Variants in ATXN10 observed in about 807,000 individuals in gnomAD.
The protein encoded by ATXN10 is ataxin 10.
Under a neutral mutation model 52.9 loss-of-function variants are expected in ATXN10, and 28 were observed. The ratio of observed to expected loss-of-function variants is 0.53; its 90% CI spans 0.39 to 0.73. The LOEUF is 0.73. Ranked by LOEUF, ATXN10 falls within the 30% of genes least tolerant of loss-of-function variation. ATXN10 has a pLI of 0.00. For missense variants in ATXN10, 565 were observed against 577.0 expected (o/e 0.98, Z 0.21); for synonymous variants, 226 against 221.5 (o/e 1.02, Z -0.18).
chr22:45,691,118 G>C (rs1923356543), intron 2 of ATXN10, among the ~76,000 whole-genome samples: 1 of 152,178 alleles, frequency 6.6e-6, no homozygotes. Context: ...GAGGATAAAT[G>C]GATAGAAACA....
intron 1 of ATXN10, chr22:45,675,804 T>G (rs780392147): frequency 2.6e-5 from 4 of 152,262 alleles, no homozygotes; most frequent in Non-Finnish European, 5.9e-5. Context: ...TTCTCCATGC[T>G]GTGTATTAAA....
At chr22:45,748,108 G>A (rs1219387032) in intron 9 of ATXN10, among the ~76,000 whole-genome samples, 2 of 152,058 alleles carry the variant, frequency 1.3e-5, no homozygotes, top group Non-Finnish European at 2.9e-5. Flanking sequence ...GAGCTCAGTA[G>A]GTCGAGGCTA....
chr22:45,813,772 T>G (rs1928365992), intron 10 of ATXN10, among the ~76,000 whole-genome samples: 1 of 152,218 alleles, frequency 6.6e-6, no homozygotes, highest in Non-Finnish European at 1.5e-5. Context: ...CAGAAATAGT[T>G]TCTCAACAAA....
Position 45,702,935 on chromosome 22 carries a change from T to C in ATXN10, c.647+88T>C, listed in dbSNP as rs111361904. 4 of 1,506,144 alleles carry C rather than the reference T, an allele frequency of 2.7e-6. No homozygotes were observed. The African/African-American group carries it at 4.1e-5, about 16-fold the overall frequency. 93.3% of individuals were successfully genotyped at this position (1,506,144 alleles called of 1,614,324 possible). A position where few individuals can be genotyped will look rare whatever the true frequency, so the allele number is the denominator to read the frequency against. ...AGGTTTTAAGTAAAAATTTGGACATTGTGATAATTGAACGATAAGTTAAAA... is the reference window on the plus strand; with the variant it reads ...AGGTTTTAAGTAAAAATTTGGACATCGTGATAATTGAACGATAAGTTAAAA... On this transcript the variant is annotated intron_variant, in intron 5 of 11. Coordinates refer to ENST00000252934, the MANE Select transcript of ATXN10 (RefSeq NM_013236.4).
At chr22:45,709,639 C>T (rs1038003372) in intron 5 of ATXN10, among the ~76,000 whole-genome samples, 3 of 152,188 alleles carry the variant, frequency 2.0e-5, no homozygotes, top group African/African-American at 7.2e-5. Flanking sequence ...TCTGGGTGAC[C>T]TCATCTCATA....
At position 45,838,553 on chromosome 22, in the gene ATXN10, A is replaced by G. The variant is rs540305502; in HGVS notation, c.1238-4438A>G. Among the ~76,000 whole-genome samples the G allele has an allele frequency of 5.3e-5, 8 of 152,368 alleles. No homozygotes were observed. In the East Asian group the frequency reaches 1.5e-3, roughly 29 times the overall value. On this transcript the variant is annotated intron_variant, in intron 10 of 11. Transcript: ENST00000252934. ...AAGCACTTCAGATGTTGGTGGGATTAGAGACTTTAGAAGATGTTTAATTTT... is the reference window on the plus strand; with the variant it reads ...AAGCACTTCAGATGTTGGTGGGATTGGAGACTTTAGAAGATGTTTAATTTT...
chr22:45,806,743 A>G (rs746008060), intron 9 of ATXN10, among the ~76,000 whole-genome samples: 4 of 152,140 alleles, frequency 2.6e-5, no homozygotes, highest in East Asian at 1.9e-4. Context: ...ACTTGCCCCA[A>G]TATTTTTTTT....
rs1247282920 is a variant in ATXN10, at chr22:45,833,789, GGAA to G, written c.1238-9195_1238-9193del. ...CAGAAACGTGCAGTCATAGCAACCC[GGAA>G]GAAGAACTGCTCTGCCCTCCAGAGG... is the stretch of plus-strand genomic sequence containing the variant. On this transcript the variant is annotated intron_variant, in intron 10 of 11. Transcript: ENST00000252934. The surrounding 1 kb of genome is among the most constrained non-coding windows in gnomAD (Gnocchi z 4.3). Among the ~76,000 whole-genome samples the G allele has an allele frequency of 6.6e-6, 1 of 152,148 alleles. No homozygotes were observed. The highest frequency in any genetic ancestry group is 1.5e-5 in the Non-Finnish European group (1 of 68,026).
chr22:45,722,683 T>G (rs1924702725), intron 6 of ATXN10, among the ~76,000 whole-genome samples: 1 of 152,054 alleles, frequency 6.6e-6, no homozygotes. Context: ...CTTTAGCACT[T>G]GCAGATCTCC....
rs953894309 is a variant in ATXN10, at chr22:45,762,450, A to G, written c.1173+21912A>G. Among the ~76,000 whole-genome samples the G allele has an allele frequency of 1.3e-5, 2 of 152,190 alleles. No homozygotes were observed. The highest frequency in any genetic ancestry group is 1.3e-4 in the Admixed American group (2 of 15,286). On this transcript the variant is annotated intron_variant, in intron 9 of 11. Coordinates refer to ENST00000252934, the MANE Select transcript of ATXN10 (RefSeq NM_013236.4). The surrounding 1 kb of genome is among the most constrained non-coding windows in gnomAD (Gnocchi z 4.3). ...AGCAGCAGGATTCTTTCCACGGTGCATGTTCTGGCTGAGTGTTGGTGGGCT... is the reference window on the plus strand; with the variant it reads ...AGCAGCAGGATTCTTTCCACGGTGCGTGTTCTGGCTGAGTGTTGGTGGGCT...
At position 45,774,954 on chromosome 22, in the gene ATXN10, A is replaced by C. The variant is rs1234501833; in HGVS notation, c.1174-32005A>C. ...GACTCTGTCTCAAAACAAACAAATA[A>C]ATAAATAAAGGCAGGGGTCGGAGAA... On this transcript the variant is annotated intron_variant, in intron 9 of 11. Transcript: ENST00000252934. This position sits in a 1 kb window ranked among gnomAD's most constrained non-coding sequence, Gnocchi z 6.2. 6.6e-6 allele frequency among the ~76,000 whole-genome samples: 1 copy of C among 152,114 alleles called. No homozygotes were observed. The highest frequency in any genetic ancestry group is 1.5e-5 in the Non-Finnish European group (1 of 68,006).
Position 45,671,958 on chromosome 22 carries a change from C to G in ATXN10, c.-106C>G. 15 of 1,299,232 alleles carry G rather than the reference C, an allele frequency of 1.2e-5. No individual in the cohort carries two copies. The South Asian group carries it at 2.0e-4, about 17-fold the overall frequency. 80.5% of individuals were successfully genotyped at this position (1,299,232 alleles called of 1,614,324 possible). ...GTTAGGGCTGTGTAGGGCGAGGCCT[C>G]CCCCTTCCTCCTCGCCATCCTACTC... On this transcript the variant is annotated 5_prime_UTR_variant, in exon 1 of 12. Transcript: ENST00000252934.
In ATXN10 at chr22:45,715,870, A is replaced by G. The variant is rs1019415078; in HGVS notation, c.648-2543A>G. On this transcript the variant is annotated intron_variant, in intron 5 of 11. Transcript: ENST00000252934. This position sits in a 1 kb window ranked among gnomAD's most constrained non-coding sequence, Gnocchi z 4.4. ...TAAGATGATTTCTAGAAAAATTCCAAACTTTTGGAAATTAACACATCTGAT... is the reference window on the plus strand; with the variant it reads ...TAAGATGATTTCTAGAAAAATTCCAGACTTTTGGAAATTAACACATCTGAT... Among the ~76,000 whole-genome samples the G allele has an allele frequency of 1.3e-5, 2 of 152,216 alleles. No homozygotes were observed. The highest frequency in any genetic ancestry group is 6.5e-5 in the Admixed American group (1 of 15,284).
chr22:45,672,146 C>T lies in ATXN10; in HGVS notation c.83C>T (p.Ala28Val), dbSNP rs1246638631. The change falls in exon 1 of 12, where the codon GCG (alanine) becomes GTG (valine). Residue 28 changes from alanine (A) to valine (V), a missense_variant. Ala to Val is a moderately conservative substitution (Grantham distance 64). Transcript: ENST00000252934. ...APIQDLEALRALTALFKEQRN... is the reference protein window; with the variant it reads ...APIQDLEALRVLTALFKEQRN... ...ATCCAAGACCTGGAGGCCCTGCGCG[C>T]GCTCACGGCGCTCTTCAAAGAGCAG... 1 of 1,539,484 alleles carries T rather than the reference C, an allele frequency of 6.5e-7. No homozygotes were observed. The highest frequency in any genetic ancestry group is 8.7e-7 in the Non-Finnish European group (1 of 1,145,162).
rs1341713247 is a variant in ATXN10, at chr22:45,844,179, A to G, written c.*508A>G. On this transcript the variant is annotated 3_prime_UTR_variant, in exon 12 of 12. Coordinates refer to ENST00000252934, the MANE Select transcript of ATXN10 (RefSeq NM_013236.4). ...ACATTGACAAGACTCATTTCCAGTTAATTAATTCGAGAACCCTCCCTCTTC... is the reference window on the plus strand; with the variant it reads ...ACATTGACAAGACTCATTTCCAGTTGATTAATTCGAGAACCCTCCCTCTTC... The G allele has an allele frequency of 6.0e-6, 1 of 165,462 alleles. No homozygotes were observed. The highest frequency in any genetic ancestry group is 1.3e-5 in the Non-Finnish European group (1 of 75,948). 10.2% of individuals were successfully genotyped at this position (165,462 alleles called of 1,614,324 possible). A position where few individuals can be genotyped will look rare whatever the true frequency, so the allele number is the denominator to read the frequency against.
intron 9 of ATXN10, among the ~76,000 whole-genome samples, chr22:45,758,988 A>T (rs1005969677): frequency 5.3e-5 from 8 of 152,218 alleles, no homozygotes; most frequent in African/African-American, 9.7e-5. Flanking sequence ...AGTTAACAAG[A>T]TTTAATGTAA....
At chr22:45,773,817 C>T (rs1926858413) in intron 9 of ATXN10, among the ~76,000 whole-genome samples, 2 of 152,006 alleles carry the variant, frequency 1.3e-5, no homozygotes, top group South Asian at 4.2e-4. Context: ...AAAAACAAAA[C>T]CACAGAAAGA....
Position 45,820,867 on chromosome 22 carries a change from G to A in ATXN10, c.1237+13845G>A, listed in dbSNP as rs1311269545. Among the ~76,000 whole-genome samples, 1 of 152,180 alleles carries A rather than the reference G, an allele frequency of 6.6e-6. No individual in the cohort carries two copies. Among genetic ancestry groups the A allele is most frequent in the East Asian group, 1.9e-4 (1 of 5,194 alleles). Reference sequence around the variant, plus strand: ...CACAGCCGAAAACAGGCCCTGTGCTGTGAAAGAGCCTCAGTGGTGGACAGA... The same window carrying A: ...CACAGCCGAAAACAGGCCCTGTGCTATGAAAGAGCCTCAGTGGTGGACAGA... On this transcript the variant is annotated intron_variant, in intron 10 of 11. Coordinates refer to ENST00000252934, the MANE Select transcript of ATXN10 (RefSeq NM_013236.4). This position sits in a 1 kb window ranked among gnomAD's most constrained non-coding sequence, Gnocchi z 4.9.
At chr22:45,813,809 G>GT (rs1246209813) in intron 10 of ATXN10, among the ~76,000 whole-genome samples, 1 of 152,192 alleles carries the variant, frequency 6.6e-6, no homozygotes, top group Non-Finnish European at 1.5e-5. Flanking sequence ...AATATCCTAT[G>GT]TAGCTATTCA....
Sources: gnomAD v4.1 joint callset for allele counts (sites outside exome capture counted in the v4.1 genomes callset) on GRCh38, gnomAD v4.1.1 for gene constraint, Gnocchi (gnomAD v3.1) non-coding constraint, MANE v1.5 for transcripts, NCBI Gene and HGNC (gene_info 2026-07-23, HGNC 2026-07-21) for gene names.